The following MICU1 variants were observed in gnomAD, a reference collection of about 807,000 sequenced individuals.
MICU1 encodes the protein calcium uptake protein 1, mitochondrial.
MICU1 carries 45 observed loss-of-function variants against 56.8 expected under a neutral mutation model. The ratio of observed to expected loss-of-function variants is 0.79; its 90% CI spans 0.62 to 1.02. The LOEUF is 1.02. MICU1 is among the 50% of genes least tolerant of loss of function. The probability of loss-of-function intolerance (pLI) is 0.00; values close to 1 mark genes in which losing one functional copy is unlikely to be tolerated. For synonymous variants in MICU1, 186 were observed against 195.1 expected, an observed-to-expected ratio of 0.95 and a Z score of 0.39; for missense variants, 504 against 587.1, an observed-to-expected ratio of 0.86 and a Z score of 1.46.
intron 1 of MICU1, among the ~76,000 whole-genome samples, chr10:72,571,849 T>C (rs1589354411): frequency 6.6e-6 from 1 of 150,468 alleles, no homozygotes; most frequent in Non-Finnish European, 1.5e-5. Context: ...AGCCCAGGAG[T>C]TTAAGTCCAA....
chr10:72,411,712 A>G (rs971908091), intron 9 of MICU1, among the ~76,000 whole-genome samples: 4 of 152,142 alleles, frequency 2.6e-5, no homozygotes, highest in African/African-American at 9.7e-5. Context: ...AAAATTCCTA[A>G]AACAGTTAGG....
At chr10:72,489,580 A>G (rs1324359666) in intron 6 of MICU1, among the ~76,000 whole-genome samples, 3 of 152,332 alleles carry the variant, frequency 2.0e-5, no homozygotes, top group African/African-American at 7.2e-5. Context: ...AAAAGGGTAC[A>G]ATAAGGCTAG....
At chr10:72,555,629 T>C (rs1840140350) in intron 3 of MICU1, among the ~76,000 whole-genome samples, 1 of 152,212 alleles carries the variant, frequency 6.6e-6, no homozygotes, top group Non-Finnish European at 1.5e-5. Flanking sequence ...CACACACAGT[T>C]AATAGATGGT....
intron 9 of MICU1, among the ~76,000 whole-genome samples, chr10:72,422,569 C>T (rs896749142): frequency 6.6e-6 from 1 of 152,144 alleles, no homozygotes; most frequent in Non-Finnish European, 1.5e-5. Flanking sequence ...TCTCAAAGGT[C>T]ACCAATTACT....
In MICU1 at chr10:72,597,226, A is replaced by G. The variant is rs532978680; in HGVS notation, c.-2+28784T>C. On this transcript the variant is annotated intron_variant, in intron 1 of 11. Coordinates refer to ENST00000361114, the MANE Select transcript of MICU1 (RefSeq NM_001195518.2). ...TTTCATATTCCTTGAGGAATACTCAATTACACCCACAATTGCTCACACTAT... is the reference window on the plus strand; with the variant it reads ...TTTCATATTCCTTGAGGAATACTCAGTTACACCCACAATTGCTCACACTAT... Among the ~76,000 whole-genome samples the G allele has an allele frequency of 2.0e-5, 3 of 152,340 alleles. No individual in the cohort carries two copies. The South Asian group carries it at 6.2e-4, about 32-fold the overall frequency.
At chr10:72,596,457 T>C (rs2132538195) in intron 1 of MICU1, among the ~76,000 whole-genome samples, 1 of 152,242 alleles carries the variant, frequency 6.6e-6, no homozygotes, top group Middle Eastern at 3.4e-3. Context: ...TTTTAAGTTC[T>C]AGAAATCTGC....
intron 3 of MICU1, among the ~76,000 whole-genome samples, chr10:72,559,811 A>G (rs1236427114): frequency 4.6e-5 from 7 of 152,224 alleles, no homozygotes; most frequent in Admixed American, 4.6e-4. Flanking sequence ...ACCAGGCTGC[A>G]TAGCAGGAGG....
chr10:72,562,147 C>CTCTTTTT (rs1648524582), intron 3 of MICU1, among the ~76,000 whole-genome samples: 1 of 82,650 alleles, frequency 1.2e-5, no homozygotes. Context: ...TACATAAAAT[C>CTCTTTTT]TTTTTTTTTT....
chr10:72,453,853 G>C lies in MICU1; in HGVS notation c.933+21247C>G, dbSNP rs558875594. 7.3e-5 allele frequency among the ~76,000 whole-genome samples: 11 copies of C among 149,688 alleles called. No individual in the cohort carries two copies. In the East Asian group the frequency reaches 2.2e-3, roughly 30 times the overall value. The stretch of plus-strand genomic sequence containing the variant: ...GCCTACTTTATTTTTATTCTTTTTT[G>C]AGATGGAGTTTCGTTCTTGTCACCC... On this transcript the variant is annotated intron_variant, in intron 8 of 11. Transcript: ENST00000361114.
chr10:72,566,039 C>CTTTTTTTTTTTTTTTTTT (rs11376019), intron 2 of MICU1, among the ~76,000 whole-genome samples: 1 of 69,838 alleles, frequency 1.4e-5, no homozygotes, highest in Non-Finnish European at 2.6e-5. Flanking sequence ...CATTCATTTT[C>CTTTTTTTTTTTTTTTTTT]TTTTTTTTTT....
intron 3 of MICU1, among the ~76,000 whole-genome samples, chr10:72,559,412 T>G (rs888241123): frequency 6.6e-6 from 1 of 151,742 alleles, no homozygotes; most frequent in African/African-American, 2.4e-5. Context: ...TTTATATAAT[T>G]TTATAAACTA....
At chr10:72,610,504 G>A (rs892803332) in intron 1 of MICU1, among the ~76,000 whole-genome samples, 1 of 152,104 alleles carries the variant, frequency 6.6e-6, no homozygotes, top group African/African-American at 2.4e-5. Flanking sequence ...AGATAGTAAA[G>A]CACTCTGAAC....
At chr10:72,449,876 G>A (rs573383291) in intron 8 of MICU1, among the ~76,000 whole-genome samples, 5 of 152,112 alleles carry the variant, frequency 3.3e-5, no homozygotes, top group Admixed American at 6.5e-5. Context: ...TGTTGAAAGC[G>A]GGGCTGATAC....
At chr10:72,578,955 TA>T in intron 1 of MICU1, among the ~76,000 whole-genome samples, 1 of 152,170 alleles carries the variant, frequency 6.6e-6, no homozygotes, top group Non-Finnish European at 1.5e-5. Context: ...CACTATAGTA[TA>T]AACATAACTT....
intron 6 of MICU1, among the ~76,000 whole-genome samples, chr10:72,479,740 G>A (rs1203991082): frequency 6.6e-6 from 1 of 152,066 alleles, no homozygotes; most frequent in Non-Finnish European, 1.5e-5. Flanking sequence ...TGCCCAGGCT[G>A]GTCTTAAACC....
chr10:72,369,017 C>T (rs1862238248), intron 11 of MICU1, among the ~76,000 whole-genome samples: 1 of 152,098 alleles, frequency 6.6e-6, no homozygotes, highest in Non-Finnish European at 1.5e-5. Flanking sequence ...GTGGCTTGTG[C>T]TTGATTTCCT....
chr10:72,556,822 T>C (rs1840170059), intron 3 of MICU1, among the ~76,000 whole-genome samples: 1 of 151,788 alleles, frequency 6.6e-6, no homozygotes, highest in African/African-American at 2.4e-5. Flanking sequence ...TCCCAGCACT[T>C]TGGGAGGCAA....
At chr10:72,506,645 T>C (rs1867261878) in intron 6 of MICU1, among the ~76,000 whole-genome samples, 1 of 152,220 alleles carries the variant, frequency 6.6e-6, no homozygotes. Context: ...CACTAAACTA[T>C]TAATAGCTAC....
At chr10:72,506,556 TTAAA>T (rs2132343881) in intron 6 of MICU1, among the ~76,000 whole-genome samples, 1 of 152,316 alleles carries the variant, frequency 6.6e-6, no homozygotes, top group African/African-American at 2.4e-5. Context: ...TTATGGATCT[TTAAA>T]AATCAGACAC....
Sources: allele counts gnomAD v4.1 joint callset (sites outside exome capture counted in the v4.1 genomes callset), GRCh38; gene constraint gnomAD v4.1.1; transcripts MANE v1.5; gene names NCBI Gene and HGNC (gene_info 2026-07-23, HGNC 2026-07-21).